The following PICALM variants were observed in gnomAD, a reference collection of about 807,000 sequenced individuals.
PICALM encodes the protein phosphatidylinositol-binding clathrin assembly protein.
A neutral mutation model predicts 80.5 loss-of-function variants in PICALM; 40 were observed. That is an observed-to-expected ratio of 0.50 (90% CI 0.39 to 0.65). PICALM has a LOEUF of 0.65. Ranked by LOEUF, PICALM falls within the 30% of genes least tolerant of loss-of-function variation. The pLI is 0.00. For missense variants in PICALM, 676 were observed against 778.9 expected (o/e 0.87, Z 1.57); for synonymous variants, 288 against 260.3 (o/e 1.11, Z -1.02).
At chr11:86,045,889 C>T (rs772162625) in intron 1 of PICALM, among the ~76,000 whole-genome samples, 20 of 152,124 alleles carry the variant, frequency 1.3e-4, no homozygotes, top group Non-Finnish European at 7.3e-5. Context: ...TGATGCCAAA[C>T]GATCTTCAAA....
chr11:86,052,676 CAG>C (rs1433824675), intron 1 of PICALM, among the ~76,000 whole-genome samples: 1 of 152,186 alleles, frequency 6.6e-6, no homozygotes, highest in African/African-American at 2.4e-5. Flanking sequence ...ACACTGGCAG[CAG>C]AAACTACAGA....
At chr11:85,999,123 T>C (rs906764427) in intron 11 of PICALM, among the ~76,000 whole-genome samples, 1 of 152,206 alleles carries the variant, frequency 6.6e-6, no homozygotes, top group African/African-American at 2.4e-5. Flanking sequence ...TACTTTGATA[T>C]AGGTAATACA....
At chr11:86,011,260 A>G (rs2095389430) in intron 6 of PICALM, 124 bp from the exon 7 acceptor site, 3 of 561,092 alleles carry the variant, frequency 5.3e-6, no homozygotes, top group Admixed American at 3.7e-5. Context: ...TACTAGAAAA[A>G]TATCAGTGTT....
intron 1 of PICALM, among the ~76,000 whole-genome samples, chr11:86,061,757 C>T (rs2096369351): frequency 6.6e-6 from 1 of 152,018 alleles, no homozygotes; most frequent in African/African-American, 2.4e-5. Context: ...TGCTATTTAC[C>T]CAAACGAACT....
intron 19 of PICALM, among the ~76,000 whole-genome samples, chr11:85,964,484 C>T (rs1565200967): frequency 6.6e-6 from 1 of 152,158 alleles, no homozygotes; most frequent in African/African-American, 2.4e-5. Flanking sequence ...AGGCCCAATA[C>T]CTGTACTGCC....
chr11:85,974,432 T>C lies in PICALM; in HGVS notation c.1944+276A>G, dbSNP rs767800794. Reference sequence around the variant, plus strand: ...CTACACCAGAATCACGAAGAGCAAGTAGGCTCCTTAATCTCAGAAAAATCA... The same window carrying C: ...CTACACCAGAATCACGAAGAGCAAGCAGGCTCCTTAATCTCAGAAAAATCA... On this transcript the variant is annotated intron_variant, in intron 19 of 19. Coordinates refer to ENST00000393346, the MANE Select transcript of PICALM (RefSeq NM_007166.4). 1.1e-5 allele frequency: 6 copies of C among 566,280 alleles called. No homozygotes were observed. In the East Asian group the frequency reaches 1.7e-4, roughly 16 times the overall value. 35.1% of individuals were successfully genotyped at this position (566,280 alleles called of 1,614,324 possible). A position where few individuals can be genotyped will look rare whatever the true frequency, so the allele number is the denominator to read the frequency against.
chr11:86,055,238 G>C (rs1480334116), intron 1 of PICALM, among the ~76,000 whole-genome samples: 2 of 150,696 alleles, frequency 1.3e-5, no homozygotes, highest in African/African-American at 4.9e-5. Context: ...GCTAAGGCAG[G>C]AGAATCGCTT....
intron 1 of PICALM, among the ~76,000 whole-genome samples, chr11:86,041,298 A>G: frequency 6.6e-6 from 1 of 152,218 alleles, no homozygotes; most frequent in Non-Finnish European, 1.5e-5. Context: ...CAGTGCAGCA[A>G]ATTTGGAAAA....
chr11:86,059,084 A>C (rs2096314404), intron 1 of PICALM, among the ~76,000 whole-genome samples: 2 of 152,212 alleles, frequency 1.3e-5, no homozygotes, highest in South Asian at 4.1e-4. Flanking sequence ...TGTTTTTATC[A>C]ATGTTACTGA....
chr11:86,002,413 T>A (rs2095168749), intron 9 of PICALM, among the ~76,000 whole-genome samples: 5 of 152,160 alleles, frequency 3.3e-5, no homozygotes, highest in Admixed American at 3.3e-4. Context: ...TAAAAAAAGG[T>A]TCATAAGAAA....
At chr11:86,040,894 T>C (rs2095951865) in intron 1 of PICALM, among the ~76,000 whole-genome samples, 1 of 152,090 alleles carries the variant, frequency 6.6e-6, no homozygotes, top group Non-Finnish European at 1.5e-5. Context: ...ATGCAAAATT[T>C]CTCCCCTACT....
Position 86,053,273 on chromosome 11 carries a change from G to A in PICALM, c.130+15378C>T, listed in dbSNP as rs984965319. Among the ~76,000 whole-genome samples, 32 of 152,320 alleles carry A rather than the reference G, an allele frequency of 2.1e-4. 1 individual carries two copies. Among genetic ancestry groups the A allele is most frequent in the Admixed American group, 5.2e-4 (8 of 15,296 alleles). Reference sequence around the variant, plus strand: ...GTATATTCTTGTAACGAGGCTAAGCGTTCTGCCAATCACAAGCGGCAAGCT... The same window carrying A: ...GTATATTCTTGTAACGAGGCTAAGCATTCTGCCAATCACAAGCGGCAAGCT... On this transcript the variant is annotated intron_variant, in intron 1 of 19. Coordinates refer to ENST00000393346, the MANE Select transcript of PICALM (RefSeq NM_007166.4).
intron 19 of PICALM, among the ~76,000 whole-genome samples, chr11:85,972,220 T>C (rs2094134754): frequency 6.6e-6 from 1 of 152,238 alleles, no homozygotes; most frequent in African/African-American, 2.4e-5. Flanking sequence ...TTTACAACTA[T>C]AGTAGTTACA....
chr11:85,990,008 C>CG (rs1555046559), intron 13 of PICALM, among the ~76,000 whole-genome samples: 2 of 89,334 alleles, frequency 2.2e-5, no homozygotes, highest in Non-Finnish European at 4.2e-5. Flanking sequence ...AACCAAACAC[C>CG]AAAAAAAAAA....
intron 16 of PICALM, 125 bp from the exon 17 acceptor site, chr11:85,981,353 C>A (rs2094437215): frequency 6.4e-6 from 4 of 622,752 alleles, no homozygotes; most frequent in East Asian, 5.7e-5. Context: ...TGCCTGTAAT[C>A]CCAGCACTTT....
intron 19 of PICALM, chr11:85,974,496 C>T (rs2094210832): frequency 1.5e-6 from 1 of 671,278 alleles, no homozygotes; most frequent in Admixed American, 1.8e-5. Flanking sequence ...CAAGAATTTT[C>T]TGTCTTTAGT....
Position 85,976,643 on chromosome 11 carries a change from C to T in PICALM, c.1819G>A (p.Gly607Ser), listed in dbSNP as rs199991836. Residue 607 changes from glycine to serine, a missense_variant, in exon 18 of 20, where the codon GGC becomes AGC. By Grantham distance (56) the Gly-to-Ser change is moderately conservative. Transcript: ENST00000393346. ...VMAYPATTPT[G>S]MIGYGIPPQM... is the part of the protein sequence containing the mutation. ...CTTACAATTCCATATCCTATCATGC[C>T]TGTTGGTGTAGTAGCAGGATAGGCC... 1.2e-6 allele frequency: 2 copies of T among 1,602,616 alleles called. No homozygotes were observed. Among genetic ancestry groups the T allele is most frequent in the African/African-American group, 1.3e-5 (1 of 74,706 alleles).
chr11:85,979,449 C>T (rs1206886177), intron 17 of PICALM, among the ~76,000 whole-genome samples: 1 of 149,208 alleles, frequency 6.7e-6, no homozygotes, highest in Non-Finnish European at 1.5e-5. Flanking sequence ...GAGGTCGCGC[C>T]ACTGCAATGT....
At chr11:86,004,885 TGA>T (rs940956653) in intron 8 of PICALM, among the ~76,000 whole-genome samples, 1 of 152,208 alleles carries the variant, frequency 6.6e-6, no homozygotes, top group Admixed American at 6.5e-5. Flanking sequence ...TTTGTTGAAC[TGA>T]GAGTATACAT....
Sources: allele counts gnomAD v4.1 joint callset (sites outside exome capture counted in the v4.1 genomes callset), GRCh38; gene constraint gnomAD v4.1.1; transcripts MANE v1.5; gene names NCBI Gene and HGNC (gene_info 2026-07-23, HGNC 2026-07-21).